The following CNBP variants were observed in gnomAD, a reference collection of about 807,000 sequenced individuals.
The protein encoded by CNBP is CCHC-type zinc finger nucleic acid binding protein, also known as cellular nucleic acid-binding protein.
Under a neutral mutation model 21.2 loss-of-function variants are expected in CNBP, and 6 were observed. That is an observed-to-expected ratio of 0.28 (90% CI 0.16 to 0.56). CNBP has a LOEUF of 0.56. CNBP is among the 20% of genes least tolerant of loss of function. CNBP has a pLI of 0.93. For synonymous variants in CNBP, 61 were observed against 74.9 expected (o/e 0.81, Z 0.96); for missense variants, 112 against 233.1 (o/e 0.48, Z 3.38).
chr3:129,173,512 G>T (rs937304650), intron 1 of CNBP, among the ~76,000 whole-genome samples: 2 of 152,082 alleles, frequency 1.3e-5, no homozygotes, highest in African/African-American at 4.8e-5. Flanking sequence ...TTTCTGTAAT[G>T]TAATTTTACA....
chr3:129,168,270 T>A lies in CNBP; in HGVS notation c.*2183A>T, dbSNP rs1353733157. Among the ~76,000 whole-genome samples, 1 of 152,116 alleles carries A rather than the reference T, an allele frequency of 6.6e-6. No individual in the cohort carries two copies. Among genetic ancestry groups the A allele is most frequent in the East Asian group, 1.9e-4 (1 of 5,198 alleles). On this transcript the variant is annotated 3_prime_UTR_variant, in exon 5 of 5. Transcript: ENST00000422453. The stretch of plus-strand genomic sequence containing the variant: ...CTATTAAAAAGTGAGTTAAAACAGA[T>A]GAGTTTTAAGGTCCATCTCAACTCT...
chr3:129,182,848 C>G (rs754673677), intron 1 of CNBP, among the ~76,000 whole-genome samples: 11 of 152,156 alleles, frequency 7.2e-5, no homozygotes, highest in South Asian at 2.1e-4. Flanking sequence ...GGAAAACTAT[C>G]AAGGATAGGG....
intron 1 of CNBP, among the ~76,000 whole-genome samples, chr3:129,182,468 CAT>C (rs1938365552): frequency 6.6e-6 from 1 of 152,092 alleles, no homozygotes. Flanking sequence ...ATATGGTTAA[CAT>C]GTGGGAACAA....
chr3:129,170,564 A>G lies in CNBP; in HGVS notation c.423T>C (p.Gly141=). The change falls in exon 5 of 5, where the codon GGT becomes GGC. Residue 141 remains glycine (G), a synonymous_variant. Coordinates refer to ENST00000422453, the MANE Select transcript of CNBP (RefSeq NM_003418.5). ...DCTKVKCYRC[G]ETGHVAINCS... is the part of the protein sequence containing the mutation. ...AGTTGATGGCTACATGACCAGTTTC[A>G]CCACACCTAAAAAAGAAATTAAAAG... 6.2e-7 allele frequency: 1 copy of G among 1,613,798 alleles called. No individual in the cohort carries two copies.
At chr3:129,183,465 A>G (rs1938457619) in intron 1 of CNBP, among the ~76,000 whole-genome samples, 1 of 152,192 alleles carries the variant, frequency 6.6e-6, no homozygotes, top group South Asian at 2.1e-4. Context: ...CTCGGCCCCA[A>G]GGGCGCACGG....
intron 1 of CNBP, among the ~76,000 whole-genome samples, chr3:129,178,599 C>T (rs1938080534): frequency 6.6e-6 from 1 of 152,176 alleles, no homozygotes; most frequent in African/African-American, 2.4e-5. Context: ...TTTTCGCAAG[C>T]TCAGGGTTAT....
At position 129,168,008 on chromosome 3, in the gene CNBP, G is replaced by C. The variant is rs995148724; in HGVS notation, c.*2445C>G. ...GTTGGAATGTGCACAGCACAGCTGA[G>C]ACACCACCATTTTAACACTGAATCA... On this transcript the variant is annotated 3_prime_UTR_variant, in exon 5 of 5. Transcript: ENST00000422453. Among the ~76,000 whole-genome samples, 1 of 152,060 alleles carries C rather than the reference G, an allele frequency of 6.6e-6. No homozygotes were observed. Among genetic ancestry groups the C allele is most frequent in the African/African-American group, 2.4e-5 (1 of 41,332 alleles).
Position 129,183,861 on chromosome 3 carries a change from T to C in CNBP, c.-100A>G, listed in dbSNP as rs187337574. On this transcript the variant is annotated 5_prime_UTR_variant, in exon 1 of 5. Coordinates refer to ENST00000422453, the MANE Select transcript of CNBP (RefSeq NM_003418.5). ...CTCGCAAGGTAGAGGCTGTTTATTT[T>C]GAGGGTCCTTGCCTGCGCCACACGC... 1 of 152,932 alleles carries C rather than the reference T, an allele frequency of 6.5e-6. No homozygotes were observed. The highest frequency in any genetic ancestry group is 3.4e-3 in the Middle Eastern group (1 of 294). The allele number at this position is 152,932 out of a possible 1,614,324, so 9.5% of individuals were successfully genotyped here.
intron 1 of CNBP, among the ~76,000 whole-genome samples, chr3:129,178,571 A>G (rs1938078210): frequency 6.6e-6 from 1 of 152,126 alleles, no homozygotes; most frequent in Admixed American, 6.6e-5. Context: ...ACACATTCAC[A>G]TTTGTATATA....
intron 1 of CNBP, among the ~76,000 whole-genome samples, 200 bp downstream of exon 1, chr3:129,183,576 G>A (rs142379989): frequency 2.0e-5 from 3 of 152,258 alleles, no homozygotes; most frequent in Non-Finnish European, 4.4e-5. Flanking sequence ...AGAAAGGACA[G>A]AAGTGTCGTC....
intron 1 of CNBP, among the ~76,000 whole-genome samples, chr3:129,172,262 G>C (rs973485471): frequency 1.3e-5 from 2 of 151,874 alleles, no homozygotes; most frequent in Non-Finnish European, 2.9e-5. Context: ...TACAGGGTTA[G>C]GGTCAATGAA....
intron 1 of CNBP, among the ~76,000 whole-genome samples, chr3:129,177,190 A>G (rs1000112184): frequency 1.3e-5 from 2 of 152,212 alleles, no homozygotes. Context: ...AAAACACTTA[A>G]GTTTCTTCCT....
intron 1 of CNBP, among the ~76,000 whole-genome samples, chr3:129,181,189 G>T (rs573625007): frequency 1.5e-5 from 2 of 137,552 alleles, no homozygotes; most frequent in African/African-American, 5.7e-5. Context: ...GCTGTGAGCC[G>T]AGACTGTGCC....
rs537614934 is a variant in CNBP at position 129,183,761 on chromosome 3, T to G, written c.-15+15A>C. 6.5e-6 allele frequency: 1 copy of G among 152,862 alleles called. No individual in the cohort carries two copies. Among genetic ancestry groups the G allele is most frequent in the East Asian group, 1.9e-4 (1 of 5,184 alleles). 9.5% of individuals were successfully genotyped at this position (152,862 alleles called of 1,614,324 possible). ...TGCGGCTCCGTCAGCGCCGGGCCCC[T>G]CCCCCAGCCCTCACCTTCCGCGTCG... On this transcript the variant is annotated intron_variant, in intron 1 of 4. Transcript: ENST00000422453.
rs778953451 is a variant in CNBP at position 129,169,150 on chromosome 3, G to A, written c.*1303C>T. ...AAAAATAAAAATACAAAAAATTAGC[G>A]GGGGGTGGTGGCGGGTGCCTGTAAT... On this transcript the variant is annotated 3_prime_UTR_variant, in exon 5 of 5. Coordinates refer to ENST00000422453, the MANE Select transcript of CNBP (RefSeq NM_003418.5). Among the ~76,000 whole-genome samples, 3 of 150,828 alleles carry A rather than the reference G, an allele frequency of 2.0e-5. No homozygotes were observed. Among genetic ancestry groups the A allele is most frequent in the East Asian group, 3.9e-4 (2 of 5,144 alleles).
chr3:129,171,923 T>C (rs1467585688), intron 1 of CNBP, among the ~76,000 whole-genome samples, 152 bp from the exon 2 acceptor site: 5 of 151,974 alleles, frequency 3.3e-5, no homozygotes, highest in African/African-American at 7.3e-5. Context: ...CTCACGCCAG[T>C]AATCCCATCA....
At position 129,171,620 on chromosome 3, in the gene CNBP, A is replaced by G. The variant is rs374093481; in HGVS notation, c.124+14T>C. 133 of 1,614,072 alleles carry G rather than the reference A, an allele frequency of 8.2e-5. No homozygotes were observed. Among genetic ancestry groups the G allele is most frequent in the Non-Finnish European group, 1.1e-4 (126 of 1,180,016 alleles). On this transcript the variant is annotated intron_variant, in intron 2 of 4. Coordinates refer to ENST00000422453, the MANE Select transcript of CNBP (RefSeq NM_003418.5). ...ATACTGAAGTACTTCAAATTTTTCT[A>G]TTCGACAAAATACCTCTATCCGAGG...
chr3:129,175,784 TAAAGA>T (rs941645929), intron 1 of CNBP, among the ~76,000 whole-genome samples: 22 of 152,190 alleles, frequency 1.4e-4, no homozygotes, highest in African/African-American at 5.1e-4. Context: ...TTAATGCTAA[TAAAGA>T]AAACACTAAG....
In CNBP at chr3:129,170,271, C is replaced by CT. The variant is rs1431151454; in HGVS notation, c.*181dup. ...ACACCTCTACCAAACTAAACATAAA[C>CT]TTTTTTTGTAGTTAAATGCAGAAAG... On this transcript the variant is annotated 3_prime_UTR_variant, in exon 5 of 5. Coordinates refer to ENST00000422453, the MANE Select transcript of CNBP (RefSeq NM_003418.5). 1.2e-4 allele frequency: 71 copies of CT among 602,824 alleles called. No individual in the cohort carries two copies. The highest frequency in any genetic ancestry group is 1.8e-4 in the Non-Finnish European group (62 of 336,924). 37.3% of individuals were successfully genotyped at this position (602,824 alleles called of 1,614,324 possible). A position where few individuals can be genotyped will look rare whatever the true frequency, so the allele number is the denominator to read the frequency against.
Sources: gnomAD v4.1 joint callset for allele counts (sites outside exome capture counted in the v4.1 genomes callset) on GRCh38, gnomAD v4.1.1 for gene constraint, MANE v1.5 for transcripts, NCBI Gene and HGNC (gene_info 2026-07-23, HGNC 2026-07-21) for gene names.